The following NAALADL2 variants were observed in gnomAD, a reference collection of about 807,000 sequenced individuals.
NAALADL2 encodes the protein N-acetylated alpha-linked acidic dipeptidase like 2, also known as inactive N-acetylated-alpha-linked acidic dipeptidase-like protein 2.
A neutral mutation model predicts 87.2 loss-of-function variants in NAALADL2; 76 were observed. The ratio of observed to expected loss-of-function variants is 0.87; its 90% CI spans 0.72 to 1.05. The LOEUF (loss-of-function observed/expected upper bound fraction) is 1.05, where lower values mean the gene tolerates loss of function less well. Ranked by LOEUF, NAALADL2 falls within the 50% of genes least tolerant of loss-of-function variation. NAALADL2 has a pLI of 0.00. For missense variants in NAALADL2, 1,089 were observed against 945.8 expected (o/e 1.15, Z -1.99); for synonymous variants, 354 against 331.0 (o/e 1.07, Z -0.75).
At chr3:174,842,060 T>A (rs1020550892) in intron 3 of NAALADL2, among the ~76,000 whole-genome samples, 2 of 152,058 alleles carry the variant, frequency 1.3e-5, no homozygotes, top group Non-Finnish European at 2.9e-5. Context: ...AACTTTTTTT[T>A]TTTTTTTTGA....
At chr3:175,005,221 A>G (rs7617102) in intron 1 of NAALADL2, among the ~76,000 whole-genome samples, 14,461 of 152,168 alleles carry the variant, frequency 0.095, 2,063 homozygotes, top group African/African-American at 0.32. Context: ...CCAATTTTCA[A>G]GTGAAGCAGC....
At chr3:175,432,475 C>T (rs569766438) in intron 5 of NAALADL2, among the ~76,000 whole-genome samples, 1 of 152,076 alleles carries the variant, frequency 6.6e-6, no homozygotes, top group Non-Finnish European at 1.5e-5. Context: ...ATATATAAAA[C>T]CCACCATAAT....
At chr3:174,708,125 A>C (rs1168473778) in intron 2 of NAALADL2, among the ~76,000 whole-genome samples, 1 of 152,184 alleles carries the variant, frequency 6.6e-6, no homozygotes. Context: ...AAGATAAATC[A>C]GTGATTATAA....
chr3:175,248,705 G>T (rs927355171), intron 3 of NAALADL2, among the ~76,000 whole-genome samples: 1 of 152,182 alleles, frequency 6.6e-6, no homozygotes, highest in Non-Finnish European at 1.5e-5. Flanking sequence ...TGGCCACTGT[G>T]TGAATGTATG....
At chr3:175,340,399 T>C (rs762676452) in intron 5 of NAALADL2, among the ~76,000 whole-genome samples, 4 of 152,134 alleles carry the variant, frequency 2.6e-5, no homozygotes, top group African/African-American at 4.8e-5. Context: ...GTGAGATGTA[T>C]GATATCTCTA....
intron 11 of NAALADL2, chr3:175,675,093 T>G (rs1480505361): frequency 1.3e-5 from 2 of 152,184 alleles, no homozygotes; most frequent in African/African-American, 4.8e-5. Flanking sequence ...TTGAGAATAT[T>G]TTATCGGCAG....
chr3:175,194,243 A>G (rs1738652757), intron 2 of NAALADL2, among the ~76,000 whole-genome samples: 1 of 151,912 alleles, frequency 6.6e-6, no homozygotes, highest in East Asian at 1.9e-4. Context: ...AGGTTGAATG[A>G]AATTTTGCTT....
At chr3:174,815,581 A>G (rs1720692779) in intron 3 of NAALADL2, among the ~76,000 whole-genome samples, 1 of 152,172 alleles carries the variant, frequency 6.6e-6, no homozygotes, top group African/African-American at 2.4e-5. Context: ...GAAGCCTGCC[A>G]TCATGCCCAA....
intron 3 of NAALADL2, among the ~76,000 whole-genome samples, chr3:174,763,420 C>G (rs1229321106): frequency 6.6e-6 from 1 of 151,340 alleles, no homozygotes; most frequent in Non-Finnish European, 1.5e-5. Flanking sequence ...AACCCTGTCT[C>G]TACTAAAAAT....
rs1056256770 is a variant in NAALADL2, at chr3:175,009,753, T to C, written c.44-87037T>C. Among the ~76,000 whole-genome samples, 2 of 152,264 alleles carry C rather than the reference T, an allele frequency of 1.3e-5. 1 individual carries two copies. Among genetic ancestry groups the C allele is most frequent in the South Asian group, 4.1e-4 (2 of 4,828 alleles). On this transcript the variant is annotated intron_variant, in intron 1 of 13. Coordinates refer to ENST00000454872, the MANE Select transcript of NAALADL2 (RefSeq NM_207015.3). ...TACTTTCTTAGTTATTTAATTCATATATGCCAAAAATTCAATAGGAATATT... is the reference window on the plus strand; with the variant it reads ...TACTTTCTTAGTTATTTAATTCATACATGCCAAAAATTCAATAGGAATATT...
chr3:175,494,038 A>G (rs1728479915), intron 9 of NAALADL2, among the ~76,000 whole-genome samples: 1 of 152,116 alleles, frequency 6.6e-6, no homozygotes, highest in Admixed American at 6.6e-5. Flanking sequence ...TACTTCTTGT[A>G]TACAAATTTT....
At chr3:174,856,869 TG>T (rs1725914084), upstream of NAALADL2, among the ~76,000 whole-genome samples, 1 of 152,128 alleles carries the variant, frequency 6.6e-6, no homozygotes, top group African/African-American at 2.4e-5. Flanking sequence ...GTGTGATAAT[TG>T]CTTAGTTAAG....
intron 1 of NAALADL2, chr3:175,059,964 C>T: frequency 2.3e-6 from 1 of 438,598 alleles, no homozygotes; most frequent in Admixed American, 2.7e-5. Context: ...CGATGTAGCT[C>T]TTGTCTGCCA....
intron 13 of NAALADL2, among the ~76,000 whole-genome samples, chr3:175,783,753 G>A (rs995618758): frequency 6.6e-6 from 1 of 150,960 alleles, no homozygotes; most frequent in Admixed American, 6.6e-5. Context: ...AATAGGAGTG[G>A]TGAGACAGGG....
chr3:174,820,144 A>G (rs1439914594), intron 3 of NAALADL2, among the ~76,000 whole-genome samples: 1 of 152,206 alleles, frequency 6.6e-6, no homozygotes, highest in Non-Finnish European at 1.5e-5. Context: ...GAAAATTACT[A>G]CTGCTCACTC....
intron 10 of NAALADL2, among the ~76,000 whole-genome samples, chr3:175,598,031 G>A (rs566334080): frequency 5.3e-4 from 80 of 151,936 alleles, no homozygotes; most frequent in Admixed American, 9.2e-4. Flanking sequence ...GTATGTATAC[G>A]TTGTATTATG....
At chr3:175,699,417 A>G (rs1170258721) in intron 11 of NAALADL2, among the ~76,000 whole-genome samples, 1 of 152,064 alleles carries the variant, frequency 6.6e-6, no homozygotes, top group East Asian at 1.9e-4. Context: ...GCTAACATAC[A>G]TGAAACATGC....
At chr3:175,488,249 G>C (rs773741107) in intron 9 of NAALADL2, among the ~76,000 whole-genome samples, 1 of 152,190 alleles carries the variant, frequency 6.6e-6, no homozygotes, top group African/African-American at 2.4e-5. Context: ...CATAATATGA[G>C]TTAGAGGACA....
At chr3:174,699,740 T>C (rs772787069) in intron 2 of NAALADL2, among the ~76,000 whole-genome samples, 41 of 152,146 alleles carry the variant, frequency 2.7e-4, no homozygotes, top group Admixed American at 1.4e-3. Flanking sequence ...TGCTAACTTA[T>C]GAGGTCTCGT....
Sources: gnomAD v4.1 joint callset for allele counts (sites outside exome capture counted in the v4.1 genomes callset) on GRCh38, gnomAD v4.1.1 for gene constraint, MANE v1.5 for transcripts, NCBI Gene and HGNC (gene_info 2026-07-23, HGNC 2026-07-21) for gene names.